Variants in BCAS3 observed in about 807,000 individuals in gnomAD.
The protein encoded by BCAS3 is BCAS3 microtubule associated cell migration factor, also known as BCAS4/BCAS3 fusion.
Under a neutral mutation model 116.1 loss-of-function variants are expected in BCAS3, and 53 were observed. That is an observed-to-expected ratio of 0.46 (90% CI 0.37 to 0.57). BCAS3 has a LOEUF of 0.57. Among genes scored for constraint, BCAS3 ranks in the 20% least tolerant of loss-of-function variants. The probability of loss-of-function intolerance (pLI) is 0.00; values close to 1 mark genes in which losing one functional copy is unlikely to be tolerated. For synonymous variants in BCAS3, 391 were observed against 408.2 expected, an observed-to-expected ratio of 0.96 and a Z score of 0.51; for missense variants, 917 against 1,165.4, an observed-to-expected ratio of 0.79 and a Z score of 3.10.
chr17:61,125,212 A>G (rs1331323693), intron 22 of BCAS3, among the ~76,000 whole-genome samples: 1 of 152,208 alleles, frequency 6.6e-6, no homozygotes, highest in Non-Finnish European at 1.5e-5. Flanking sequence ...AATACTTCAT[A>G]CTGGTTTGGG....
At chr17:61,117,047 AT>A (rs2075511313) in intron 22 of BCAS3, among the ~76,000 whole-genome samples, 1 of 152,136 alleles carries the variant, frequency 6.6e-6, no homozygotes, top group Non-Finnish European at 1.5e-5. Flanking sequence ...AAAAGTGTGG[AT>A]ATTATTCAAG....
chr17:61,017,887 C>G lies in BCAS3; in HGVS notation c.1637+1986C>G, dbSNP rs564146300. ...AGTCATTTGGTGTCCTCCTGTGTTACTACACATTATGAATTTAGATAAAAT... is the reference window on the plus strand; with the variant it reads ...AGTCATTTGGTGTCCTCCTGTGTTAGTACACATTATGAATTTAGATAAAAT... On this transcript the variant is annotated intron_variant, in intron 16 of 23. Coordinates refer to ENST00000407086, the MANE Select transcript of BCAS3 (RefSeq NM_017679.5). The surrounding 1 kb of genome is among the most constrained non-coding windows in gnomAD (Gnocchi z 4.7). Among the ~76,000 whole-genome samples the G allele has an allele frequency of 6.6e-6, 1 of 152,120 alleles. No individual in the cohort carries two copies. The highest frequency in any genetic ancestry group is 1.5e-5 in the Non-Finnish European group (1 of 68,000).
At chr17:61,194,727 C>T (rs1232684507) in intron 22 of BCAS3, among the ~76,000 whole-genome samples, 5 of 111,874 alleles carry the variant, frequency 4.5e-5, no homozygotes, top group African/African-American at 1.3e-4. Flanking sequence ...GCAACAAGAG[C>T]AAGACTCTGT....
chr17:61,026,621 G>T lies in BCAS3; in HGVS notation c.1638-8045G>T, dbSNP rs950142056. On this transcript the variant is annotated intron_variant, in intron 16 of 23. Coordinates refer to ENST00000407086, the MANE Select transcript of BCAS3 (RefSeq NM_017679.5). The surrounding 1 kb of genome is among the most constrained non-coding windows in gnomAD (Gnocchi z 5.0). ...TTTAACTTAGAAATACTACAGGGGT[G>T]CTCCAGAAAAGGGGGAGAAATAGAA... 6.6e-6 allele frequency among the ~76,000 whole-genome samples: 1 copy of T among 151,894 alleles called. No individual in the cohort carries two copies. The highest frequency in any genetic ancestry group is 1.5e-5 in the Non-Finnish European group (1 of 67,904).
intron 13 of BCAS3, among the ~76,000 whole-genome samples, chr17:60,926,221 T>C (rs2145166176): frequency 6.6e-6 from 1 of 152,328 alleles, no homozygotes; most frequent in East Asian, 1.9e-4. Flanking sequence ...AAAACTGCTC[T>C]TTTGTTTTCA....
chr17:60,720,782 A>G (rs192621601), intron 5 of BCAS3, among the ~76,000 whole-genome samples: 4 of 152,330 alleles, frequency 2.6e-5, no homozygotes, highest in African/African-American at 7.2e-5. Flanking sequence ...ATGCCATTTT[A>G]TAAAAGGGAC....
chr17:60,734,169 C>T (rs1263946412), intron 5 of BCAS3, among the ~76,000 whole-genome samples: 1 of 152,132 alleles, frequency 6.6e-6, no homozygotes, highest in Non-Finnish European at 1.5e-5. Flanking sequence ...GCTTTACTAC[C>T]CAGGCTTCTA....
Position 61,368,390 on chromosome 17 carries a change from T to C in BCAS3, c.2489T>C (p.Leu830Pro). Residue 830 changes from leucine (L) to proline (P), a missense_variant, in exon 23 of 24, where the codon CTG (leucine) becomes CCG (proline). Leu to Pro is a moderately conservative substitution (Grantham distance 98). Transcript: ENST00000407086. This position sits in a 1 kb window ranked among gnomAD's most constrained non-coding sequence, Gnocchi z 6.0. Reference sequence around the variant, plus strand: ...GGGAGCTGGCCTGAGGGCTTCGGGCTGCGGCACATGTCCTCCATGGAGCAC... The same window carrying C: ...GGGAGCTGGCCTGAGGGCTTCGGGCCGCGGCACATGTCCTCCATGGAGCAC... ...VCGSWPEGFG[L>P]RHMSSMEHTE... 1 of 1,612,754 alleles carries C rather than the reference T, an allele frequency of 6.2e-7. No homozygotes were observed. Among genetic ancestry groups the C allele is most frequent in the Non-Finnish European group, 8.5e-7 (1 of 1,178,864 alleles).
intron 12 of BCAS3, among the ~76,000 whole-genome samples, chr17:60,918,691 AT>A (rs1161722822): frequency 0.082 from 10,502 of 127,720 alleles, 933 homozygotes; most frequent in African/African-American, 0.29. Context: ...AAGCTTCTCA[AT>A]TTTTTTTTTT....
intron 22 of BCAS3, among the ~76,000 whole-genome samples, chr17:61,146,970 A>C (rs551457205): frequency 6.6e-6 from 1 of 152,204 alleles, no homozygotes; most frequent in East Asian, 1.9e-4. Flanking sequence ...GCTGGAGTGC[A>C]GTGGCGTGAT....
At chr17:60,704,249 T>A (rs2036821326) in intron 4 of BCAS3, among the ~76,000 whole-genome samples, 2 of 152,012 alleles carry the variant, frequency 1.3e-5, no homozygotes, top group African/African-American at 4.8e-5. Flanking sequence ...GGGAAAAAAA[T>A]GCCACAAAAG....
rs1415844072 is a variant in BCAS3 at position 61,376,545 on chromosome 17, C to T, written c.2593+8051C>T. ...TCCTCTCCAGGATCCCCAGTGTGGCCGCCCATGAGACCCAGTCTTGTCTTT... is the reference window on the plus strand; with the variant it reads ...TCCTCTCCAGGATCCCCAGTGTGGCTGCCCATGAGACCCAGTCTTGTCTTT... On this transcript the variant is annotated intron_variant, in intron 23 of 23. Coordinates refer to ENST00000407086, the MANE Select transcript of BCAS3 (RefSeq NM_017679.5). This position sits in a 1 kb window ranked among gnomAD's most constrained non-coding sequence, Gnocchi z 4.5. Among the ~76,000 whole-genome samples the T allele has an allele frequency of 5.3e-5, 8 of 152,172 alleles. No homozygotes were observed. The highest frequency in any genetic ancestry group is 2.1e-4 in the South Asian group (1 of 4,830).
intron 22 of BCAS3, among the ~76,000 whole-genome samples, chr17:61,247,405 A>G (rs1014930033): frequency 6.6e-6 from 1 of 152,212 alleles, no homozygotes; most frequent in Admixed American, 6.5e-5. Flanking sequence ...ATATTTAAGT[A>G]TTTCTAGTCT....
intron 13 of BCAS3, among the ~76,000 whole-genome samples, chr17:60,935,768 A>G (rs1055922423): frequency 1.3e-4 from 20 of 152,154 alleles, no homozygotes; most frequent in African/African-American, 4.6e-4. Context: ...CATTTGGACC[A>G]GAACCCTGAT....
At chr17:60,955,880 G>A (rs2061105248) in intron 14 of BCAS3, among the ~76,000 whole-genome samples, 2 of 152,142 alleles carry the variant, frequency 1.3e-5, no homozygotes, top group African/African-American at 4.8e-5. Context: ...TCACAGAGTA[G>A]GTGCTGGTTC....
intron 17 of BCAS3, among the ~76,000 whole-genome samples, chr17:61,035,755 A>G (rs1173722985): frequency 6.6e-6 from 1 of 152,104 alleles, no homozygotes; most frequent in Admixed American, 6.6e-5. Flanking sequence ...GGAGCCCTAT[A>G]TGGTACAATG....
chr17:61,309,701 A>G lies in BCAS3; in HGVS notation c.2426-58626A>G, dbSNP rs910739168. Among the ~76,000 whole-genome samples the G allele has an allele frequency of 1.3e-5, 2 of 152,210 alleles. No individual in the cohort carries two copies. The highest frequency in any genetic ancestry group is 2.4e-5 in the African/African-American group (1 of 41,452). The stretch of plus-strand genomic sequence containing the variant: ...GTGAGCAAAGCCTGGAACTGGAGAG[A>G]TGACCCAGGGTCTTTGGGATTGCGG... On this transcript the variant is annotated intron_variant, in intron 22 of 23. Transcript: ENST00000407086. This position sits in a 1 kb window ranked among gnomAD's most constrained non-coding sequence, Gnocchi z 4.6.
At chr17:60,832,303 A>G (rs1269011582) in intron 7 of BCAS3, among the ~76,000 whole-genome samples, 1 of 152,052 alleles carries the variant, frequency 6.6e-6, no homozygotes, top group African/African-American at 2.4e-5. Flanking sequence ...TACCCTAATT[A>G]CCTCCTGCTA....
intron 23 of BCAS3, among the ~76,000 whole-genome samples, chr17:61,386,805 T>TG (rs1288760981): frequency 2.5e-4 from 37 of 150,224 alleles, no homozygotes; most frequent in Admixed American, 1.6e-3. Flanking sequence ...TGTTTTTTTT[T>TG]TTTTTTTTGA....
Sources: allele counts gnomAD v4.1 joint callset (sites outside exome capture counted in the v4.1 genomes callset), GRCh38; gene constraint gnomAD v4.1.1; non-coding constraint Gnocchi (gnomAD v3.1); transcripts MANE v1.5; gene names NCBI Gene and HGNC (gene_info 2026-07-23, HGNC 2026-07-21).